Variants in DYNLT3 observed in about 807,000 individuals in gnomAD.
DYNLT3 encodes protein 91/23.
Under a neutral mutation model 11.0 loss-of-function variants are expected in DYNLT3, and 4 were observed. The ratio of observed to expected loss-of-function variants is 0.36; its 90% CI spans 0.18 to 0.83. The LOEUF (loss-of-function observed/expected upper bound fraction) is 0.83. Ranked by LOEUF, DYNLT3 falls within the 40% of genes least tolerant of loss-of-function variation. The pLI is 0.47. For missense variants in DYNLT3, 91 were observed against 91.1 expected (o/e 1.00, Z 0.01); for synonymous variants, 37 against 31.2 (o/e 1.18, Z -0.61).
At chrX:37,847,244 A>G (rs1320559157) in intron 1 of DYNLT3, 1 of 956,618 alleles carries the variant, frequency 1.0e-6, no homozygotes, top group East Asian at 3.5e-5. Flanking sequence ...CCCTGCCCCG[A>G]CCCCACCGTC....
rs750332268 is a variant in DYNLT3 at position 37,840,723 on chromosome X, T to TAC, written c.275-74_275-73dup. 1.8e-3 allele frequency: 755 copies of TAC among 412,475 alleles called. 1 individual carries two copies. The highest frequency in any genetic ancestry group is 5.2e-3 in the South Asian group (101 of 19,484). 34.0% of individuals were successfully genotyped at this position (412,475 alleles called of 1,213,427 possible). On this transcript the variant is annotated intron_variant, in intron 4 of 4. Coordinates refer to ENST00000378578, the MANE Select transcript of DYNLT3 (RefSeq NM_006520.3). ...TTATCAGAGAATATATATATATATA[T>TAC]ACACACACACACACACACACACACA...
chrX:37,841,521 G>C (rs750347904), intron 3 of DYNLT3, among the ~76,000 whole-genome samples: 1 of 111,472 alleles, frequency 9.0e-6, no homozygotes, highest in South Asian at 3.8e-4. Flanking sequence ...CTAAGGGGGG[G>C]TCTCAGTGGA....
chrX:37,845,932 A>T (rs180741270), intron 2 of DYNLT3, among the ~76,000 whole-genome samples: 1,628 of 112,398 alleles, frequency 0.014, 35 homozygotes, highest in African/African-American at 0.05. Flanking sequence ...GCACTTTGGG[A>T]GGCCAAGGCG....
chrX:37,841,194 C>A (rs184108640), intron 3 of DYNLT3, 89 bp from the exon 4 acceptor site: 9 of 708,648 alleles, frequency 1.3e-5, no homozygotes, highest in African/African-American at 1.1e-4. Flanking sequence ...CTCTACAAGC[C>A]GAAAACAAGA....
chrX:37,847,318 G>C, intron 1 of DYNLT3, 163 bp downstream of exon 1: 1 of 878,562 alleles, frequency 1.1e-6, no homozygotes, highest in Non-Finnish European at 1.5e-6. Context: ...TGGGGAGAAC[G>C]GGTCGGGCGG....
Position 37,840,538 on chromosome X carries a change from C to G in DYNLT3, c.*37G>C, listed in dbSNP as rs1252899217. 8.8e-7 allele frequency: 1 copy of G among 1,139,465 alleles called. No homozygotes were observed. Among genetic ancestry groups the G allele is most frequent in the African/African-American group, 1.8e-5 (1 of 54,208 alleles). The allele number at this position is 1,139,465 out of a possible 1,213,427, so 93.9% of individuals were successfully genotyped here. On this transcript the variant is annotated 3_prime_UTR_variant, in exon 5 of 5. Coordinates refer to ENST00000378578, the MANE Select transcript of DYNLT3 (RefSeq NM_006520.3). ...TTTGGAAAGGATACACTGACAAATT[C>G]TTAAGTTAATGGCTTTAGCCCAACA...
chrX:37,843,628 T>A (rs1930212491), intron 2 of DYNLT3, among the ~76,000 whole-genome samples: 1 of 111,763 alleles, frequency 8.9e-6, no homozygotes, highest in Non-Finnish European at 1.9e-5. Flanking sequence ...AAATTCTAAG[T>A]CATTTGTAGC....
At chrX:37,842,557 G>C (rs747769342) in intron 2 of DYNLT3, among the ~76,000 whole-genome samples, 1 of 111,676 alleles carries the variant, frequency 9.0e-6, no homozygotes, top group Non-Finnish European at 1.9e-5. Context: ...ATTTCCCATA[G>C]TGCTTGATTT....
chrX:37,847,025 A>C (rs1930278907), intron 1 of DYNLT3: 6 of 1,166,353 alleles, frequency 5.1e-6, no homozygotes, highest in Non-Finnish European at 6.9e-6. Context: ...CTCCTTGCCT[A>C]ATCCTGGCAA....
intron 3 of DYNLT3, 103 bp from the exon 4 acceptor site, chrX:37,841,208 A>C (rs762080389): frequency 1.6e-5 from 10 of 626,349 alleles, no homozygotes; most frequent in Non-Finnish European, 2.4e-5. Context: ...AACAAGACAA[A>C]AAACAAACAA....
At chrX:37,842,336 C>T (rs1002674938) in intron 2 of DYNLT3, among the ~76,000 whole-genome samples, 9 of 111,780 alleles carry the variant, frequency 8.1e-5, no homozygotes, top group Non-Finnish European at 1.7e-4. Flanking sequence ...CTAGGGCTCA[C>T]ATGCTAGAAA....
At chrX:37,847,428 G>A in intron 1 of DYNLT3, 53 bp downstream of exon 1, 1 of 1,007,613 alleles carries the variant, frequency 9.9e-7, no homozygotes, top group Non-Finnish European at 1.3e-6. Flanking sequence ...CAAGAGCCCC[G>A]CGCAGAGGAA....
intron 3 of DYNLT3, among the ~76,000 whole-genome samples, chrX:37,841,373 A>G (rs1930154751): frequency 8.9e-6 from 1 of 112,169 alleles, no homozygotes; most frequent in Non-Finnish European, 1.9e-5. Context: ...TGCAGGAAAA[A>G]TATCAGTCAA....
chrX:37,842,868 C>T (rs373468791), intron 2 of DYNLT3, among the ~76,000 whole-genome samples: 8 of 111,626 alleles, frequency 7.2e-5, no homozygotes, highest in African/African-American at 2.6e-4. Context: ...AGTGATAAAG[C>T]CTGGATAATA....
rs1930103712 is a variant in DYNLT3 at position 37,839,658 on chromosome X, A to G, written c.*917T>C. ...GCAATAAGTGCTTTTCATTTTGCTT[A>G]CTTCCATATGTGTAACCAGATTCAC... On this transcript the variant is annotated 3_prime_UTR_variant, in exon 5 of 5. Transcript: ENST00000378578. 1 of 112,802 alleles carries G rather than the reference A, an allele frequency of 8.9e-6. No homozygotes were observed. The highest frequency in any genetic ancestry group is 3.2e-5 in the African/African-American group (1 of 31,025). The allele number at this position is 112,802 out of a possible 1,213,427, so 9.3% of individuals were successfully genotyped here.
intron 2 of DYNLT3, among the ~76,000 whole-genome samples, chrX:37,845,990 G>A (rs1930259977): frequency 9.0e-6 from 1 of 111,706 alleles, no homozygotes; most frequent in Non-Finnish European, 1.9e-5. Flanking sequence ...GACCAATAAG[G>A]TGAAACCCCG....
At chrX:37,847,039 T>C in intron 1 of DYNLT3, 1 of 1,166,011 alleles carries the variant, frequency 8.6e-7, no homozygotes, top group Non-Finnish European at 1.1e-6. Context: ...CTGGCAAGCA[T>C]TACCGGGAGC....
intron 1 of DYNLT3, 90 bp from the exon 2 acceptor site, chrX:37,846,448 G>A: frequency 1.1e-6 from 1 of 873,217 alleles, no homozygotes; most frequent in South Asian, 2.6e-5. Context: ...CTAGACAGGT[G>A]TTAAAGTGTT....
At chrX:37,843,302 A>C (rs925861577) in intron 2 of DYNLT3, among the ~76,000 whole-genome samples, 2 of 112,328 alleles carry the variant, frequency 1.8e-5, no homozygotes, top group African/African-American at 6.5e-5. Flanking sequence ...CCTTTCCTTA[A>C]GGATAAAGTA....
Sources: gnomAD v4.1 joint callset for allele counts (sites outside exome capture counted in the v4.1 genomes callset) on GRCh38, gnomAD v4.1.1 for gene constraint, MANE v1.5 for transcripts, NCBI Gene and HGNC (gene_info 2026-07-23, HGNC 2026-07-21) for gene names.